The following DHX32 variants were observed in gnomAD, a reference collection of about 807,000 sequenced individuals.
DHX32 encodes the protein putative pre-mRNA-splicing factor ATP-dependent RNA helicase DHX32.
In DHX32, 51 loss-of-function variants were observed where a neutral mutation model predicts 70.0. The ratio of observed to expected loss-of-function variants is 0.73; its 90% CI spans 0.58 to 0.92. The LOEUF is 0.92. Ranked by LOEUF, DHX32 falls within the 40% of genes least tolerant of loss-of-function variation. The pLI, the probability that DHX32 is intolerant of heterozygous loss-of-function variation, is 0.00. For missense variants in DHX32, 762 were observed against 891.8 expected, an observed-to-expected ratio of 0.85 and a Z score of 1.85; for synonymous variants, 310 against 315.3, an observed-to-expected ratio of 0.98 and a Z score of 0.18.
At chr10:125,844,946 C>T (rs1264651825) in intron 6 of DHX32, among the ~76,000 whole-genome samples, 1 of 152,246 alleles carries the variant, frequency 6.6e-6, no homozygotes, top group Non-Finnish European at 1.5e-5. Context: ...GCTATCATTA[C>T]AGTATTTCTT....
chr10:125,888,202 ATTTTTTT>A (rs36204414), intron 1 of DHX32, among the ~76,000 whole-genome samples: 26 of 132,524 alleles, frequency 2.0e-4, no homozygotes, highest in African/African-American at 2.4e-4. Context: ...TGAGCAATGC[ATTTTTTT>A]TTTTTTTTTT....
At position 125,859,646 on chromosome 10, in the gene DHX32, G is replaced by C; in HGVS notation, c.806C>G (p.Ser269Trp). ...GACTACAATGTCACCTTTCTCACCC[G>C]AGTGGTGAATTTCAAAGATAAGGCG... is the stretch of plus-strand genomic sequence containing the variant. ...ILRLIFEIHHSGEKGDIVVFL... is the reference protein window; with the variant it reads ...ILRLIFEIHHWGEKGDIVVFL... The change falls in exon 3 of 11, where the codon TCG (serine) becomes TGG (tryptophan). Residue 269 changes from serine (S) to tryptophan (W), a missense_variant. Physicochemically the swap from Ser to Trp is radical, Grantham distance 177. This residue lies in a region of DHX32 where 394 missense variants were observed against 473.1 expected (regional missense o/e 0.83). Coordinates refer to ENST00000284690, the MANE Select transcript of DHX32 (RefSeq NM_018180.3). The C allele has an allele frequency of 1.2e-6, 2 of 1,608,530 alleles. No homozygotes were observed. The highest frequency in any genetic ancestry group is 1.7e-6 in the Non-Finnish European group (2 of 1,177,840).
At chr10:125,872,397 A>G (rs1944261040) in intron 1 of DHX32, among the ~76,000 whole-genome samples, 1 of 152,218 alleles carries the variant, frequency 6.6e-6, no homozygotes, top group South Asian at 2.1e-4. Context: ...ATTTGGCTTT[A>G]ACTTTTTTCA....
chr10:125,873,179 A>G (rs2134067062), intron 1 of DHX32, among the ~76,000 whole-genome samples: 1 of 152,340 alleles, frequency 6.6e-6, no homozygotes, highest in African/African-American at 2.4e-5. Context: ...CACTGTGGCA[A>G]GAGGACCTCC....
chr10:125,844,030 G>A (rs1271144511), intron 6 of DHX32, among the ~76,000 whole-genome samples: 4 of 152,322 alleles, frequency 2.6e-5, no homozygotes, highest in South Asian at 4.1e-4. Flanking sequence ...TCCTGCCTGG[G>A]TCCTGACATA....
chr10:125,836,854 A>C lies in DHX32; in HGVS notation c.2065T>G (p.Phe689Val). The C allele has an allele frequency of 6.2e-7, 1 of 1,613,896 alleles. No homozygotes were observed. Among genetic ancestry groups the C allele is most frequent in the Non-Finnish European group, 8.5e-7 (1 of 1,179,862 alleles). Residue 689 changes from phenylalanine (F) to valine (V), a missense_variant and splice_region_variant, in exon 11 of 11, where the codon TTT becomes GTT. By Grantham distance (50) the Phe-to-Val change is conservative. This residue lies in a region of DHX32 where 366 missense variants were observed against 402.6 expected (regional missense o/e 0.91). Coordinates refer to ENST00000284690, the MANE Select transcript of DHX32 (RefSeq NM_018180.3). ...RITSEISPEL[F>V]MQLVPQYYFS... The stretch of plus-strand genomic sequence containing the variant: ...TAGTATTGTGGTACCAGCTGCATAA[A>C]TCTGTTTATTTAAGACAAAAAGATG...
In DHX32 at chr10:125,858,251, G is replaced by T. The variant is rs114192075; in HGVS notation, c.849+1352C>A. 7.2e-3 allele frequency among the ~76,000 whole-genome samples: 1,088 copies of T among 152,146 alleles called. 20 individuals are homozygous for T. Among genetic ancestry groups the T allele is most frequent in the African/African-American group, 0.025 (1,025 of 41,516 alleles). On this transcript the variant is annotated intron_variant, in intron 3 of 10. Transcript: ENST00000284690. ...TCTGACTCTCAAATATATTAGATTT[G>T]CCATTCTTCCCTTCCTTAGGCTTCA...
At chr10:125,839,249 A>C in intron 8 of DHX32, 61 bp from the exon 9 acceptor site, 1 of 1,546,304 alleles carries the variant, frequency 6.5e-7, no homozygotes, top group Non-Finnish European at 8.8e-7. Context: ...TGAAGAGCCC[A>C]GGCCAGGCAG....
chr10:125,894,485 TCA>T (rs1318332835), intron 1 of DHX32, among the ~76,000 whole-genome samples: 1 of 152,052 alleles, frequency 6.6e-6, no homozygotes, highest in African/African-American at 2.4e-5. Flanking sequence ...ATGTTGCTTT[TCA>T]CAGTTGCCTT....
Position 125,836,379 on chromosome 10 carries a change from C to A in DHX32, c.*308G>T. On this transcript the variant is annotated 3_prime_UTR_variant, in exon 11 of 11. Transcript: ENST00000284690. ...ACTTTATTCAGATTAAGTTCCTCTA[C>A]AAAAAGTAGGGTTCTGTCCCATGTG... The A allele has an allele frequency of 1.3e-6, 2 of 1,561,242 alleles. No homozygotes were observed. The highest frequency in any genetic ancestry group is 2.0e-5 in the Admixed American group (1 of 48,978).
upstream of DHX32, among the ~76,000 whole-genome samples, chr10:125,886,063 A>G (rs1442974451): frequency 2.6e-5 from 4 of 152,206 alleles, no homozygotes; most frequent in Non-Finnish European, 4.4e-5. Flanking sequence ...CCTCATTTGC[A>G]ACAGCTCCTA....
intron 1 of DHX32, among the ~76,000 whole-genome samples, chr10:125,869,727 TG>T (rs1944244890): frequency 6.6e-6 from 1 of 152,124 alleles, no homozygotes; most frequent in Non-Finnish European, 1.5e-5. Context: ...CCAAAACCCT[TG>T]TTTGAATATG....
chr10:125,844,024 G>T (rs1390005814), intron 6 of DHX32, among the ~76,000 whole-genome samples: 2 of 152,184 alleles, frequency 1.3e-5, no homozygotes, highest in Non-Finnish European at 2.9e-5. Flanking sequence ...TTCCTGTCCT[G>T]CCTGGGTCCT....
chr10:125,893,566 G>C (rs1414718815), intron 1 of DHX32, among the ~76,000 whole-genome samples: 1 of 152,220 alleles, frequency 6.6e-6, no homozygotes, highest in Non-Finnish European at 1.5e-5. Flanking sequence ...CTGTGGACGA[G>C]TAAAGGGCGG....
intron 1 of DHX32, among the ~76,000 whole-genome samples, chr10:125,874,662 T>C (rs1944274257): frequency 1.3e-5 from 2 of 152,196 alleles, no homozygotes; most frequent in Non-Finnish European, 2.9e-5. Context: ...CGAAGCCCTG[T>C]TTCTCATAGA....
At chr10:125,869,358 C>A (rs949608448) in intron 1 of DHX32, 1 of 152,110 alleles carries the variant, frequency 6.6e-6, no homozygotes, top group Non-Finnish European at 1.5e-5. Context: ...GGTGGATCAC[C>A]TGAGGTCAGG....
chr10:125,892,151 C>G (rs75590947), intron 1 of DHX32, among the ~76,000 whole-genome samples: 11 of 98,268 alleles, frequency 1.1e-4, no homozygotes, highest in Admixed American at 7.7e-4. Context: ...ACAGAACAAT[C>G]CAGTCTATCA....
intron 6 of DHX32, among the ~76,000 whole-genome samples, chr10:125,846,166 A>G (rs190077090): frequency 2.6e-5 from 4 of 152,246 alleles, no homozygotes; most frequent in East Asian, 1.9e-4. Context: ...CAAATTACCA[A>G]CGGTCTCCAC....
chr10:125,883,330 T>C (rs1944328621), upstream of DHX32, among the ~76,000 whole-genome samples: 1 of 152,218 alleles, frequency 6.6e-6, no homozygotes, highest in South Asian at 2.1e-4. Context: ...TCCTCTCCCC[T>C]TGAATCTGAG....
Sources: gnomAD v4.1 joint callset for allele counts (sites outside exome capture counted in the v4.1 genomes callset) on GRCh38, gnomAD v4.1.1 for gene constraint, gnomAD v4.1.1 regional missense constraint, MANE v1.5 for transcripts, NCBI Gene and HGNC (gene_info 2026-07-23, HGNC 2026-07-21) for gene names.